Variants in GTPBP10 observed in about 807,000 individuals in gnomAD.
GTPBP10 encodes GTP binding protein 10.
A neutral mutation model predicts 44.8 loss-of-function variants in GTPBP10; 38 were observed. The ratio of observed to expected loss-of-function variants is 0.85; its 90% confidence interval spans 0.65 to 1.11. GTPBP10 has a LOEUF of 1.11. GTPBP10 is among the 50% of genes most tolerant of loss of function. GTPBP10 has a pLI of 0.00. For synonymous variants in GTPBP10, 152 were observed against 150.6 expected, an observed-to-expected ratio of 1.01 and a Z score of -0.07; for missense variants, 462 against 453.7, an observed-to-expected ratio of 1.02 and a Z score of -0.17.
intron 4 of GTPBP10, among the ~76,000 whole-genome samples, chr7:90,355,761 G>T (rs1025823962): frequency 6.6e-6 from 1 of 152,126 alleles, no homozygotes; most frequent in Non-Finnish European, 1.5e-5. Flanking sequence ...TCTTGCCTCT[G>T]CTTAGGATCT....
At chr7:90,365,656 G>A (rs1002387829) in intron 4 of GTPBP10, among the ~76,000 whole-genome samples, 5 of 152,252 alleles carry the variant, frequency 3.3e-5, no homozygotes, top group South Asian at 2.1e-4. Flanking sequence ...GATTACAGGC[G>A]TGAGCCACCG....
At chr7:90,377,987 TTC>T (rs1401953587) in intron 7 of GTPBP10, 145 bp from the exon 8 acceptor site, 34 of 1,106,612 alleles carry the variant, frequency 3.1e-5, no homozygotes, top group Non-Finnish European at 3.7e-5. Flanking sequence ...ACACCTCGAT[TTC>T]TGTTACTTAT....
At position 90,386,112 on chromosome 7, in the gene GTPBP10, A is replaced by G. The variant is rs1396484018; in HGVS notation, c.*958A>G. On this transcript the variant is annotated 3_prime_UTR_variant, in exon 10 of 10. Coordinates refer to ENST00000222511, the MANE Select transcript of GTPBP10 (RefSeq NM_033107.4). ...CATTTTACAAGTTTATGGCCAGCCCACCTGTAATAACATTCTCTGATATTC... is the reference window on the plus strand; with the variant it reads ...CATTTTACAAGTTTATGGCCAGCCCGCCTGTAATAACATTCTCTGATATTC... 6.6e-6 allele frequency: 1 copy of G among 151,960 alleles called. No homozygotes were observed. Among genetic ancestry groups the G allele is most frequent in the Non-Finnish European group, 1.5e-5 (1 of 67,956 alleles). The allele number at this position is 151,960 out of a possible 1,614,324, so 9.4% of individuals were successfully genotyped here. A position where few individuals can be genotyped will look rare whatever the true frequency, so the allele number is the denominator to read the frequency against.
chr7:90,384,601 C>A (rs573781798), intron 9 of GTPBP10, among the ~76,000 whole-genome samples: 45 of 151,864 alleles, frequency 3.0e-4, no homozygotes, highest in South Asian at 1.7e-3. Context: ...TTAACCCCCC[C>A]CACACACACA....
intron 8 of GTPBP10, among the ~76,000 whole-genome samples, chr7:90,381,820 T>G (rs1046212807): frequency 3.3e-5 from 5 of 152,150 alleles, no homozygotes; most frequent in African/African-American, 1.2e-4. Flanking sequence ...GAAAGGACAG[T>G]TTTCTTCGTC....
chr7:90,362,989 A>G (rs1796057625), intron 4 of GTPBP10, among the ~76,000 whole-genome samples: 1 of 152,130 alleles, frequency 6.6e-6, no homozygotes, highest in Non-Finnish European at 1.5e-5. Context: ...TTTGCTTGAT[A>G]AATCTTCCTC....
intron 2 of GTPBP10, among the ~76,000 whole-genome samples, chr7:90,353,517 A>G (rs1364359523): frequency 1.3e-5 from 2 of 152,198 alleles, no homozygotes; most frequent in Non-Finnish European, 2.9e-5. Context: ...TCACATGTCA[A>G]AATTATTCAG....
intron 8 of GTPBP10, among the ~76,000 whole-genome samples, chr7:90,381,383 C>G (rs1796433287): frequency 6.6e-6 from 1 of 152,076 alleles, no homozygotes; most frequent in Admixed American, 6.6e-5. Flanking sequence ...CCCTAATGAT[C>G]AGTGATGTTG....
chr7:90,387,949 A>C lies in GTPBP10; in HGVS notation c.*2795A>C, dbSNP rs1180981659. ...ATGTAAGGACAGTTTCATCAGGTGAATATCAGAAGTACTGACACCATAATC... is the reference window on the plus strand; with the variant it reads ...ATGTAAGGACAGTTTCATCAGGTGACTATCAGAAGTACTGACACCATAATC... On this transcript the variant is annotated 3_prime_UTR_variant, in exon 10 of 10. Coordinates refer to ENST00000222511, the MANE Select transcript of GTPBP10 (RefSeq NM_033107.4). 1 of 152,208 alleles carries C rather than the reference A, an allele frequency of 6.6e-6. No individual in the cohort carries two copies. Among genetic ancestry groups the C allele is most frequent in the Non-Finnish European group, 1.5e-5 (1 of 68,032 alleles). The allele number at this position is 152,208 out of a possible 1,614,324, so 9.4% of individuals were successfully genotyped here. A position where few individuals can be genotyped will look rare whatever the true frequency, so the allele number is the denominator to read the frequency against.
rs79847565 is a variant in GTPBP10 at position 90,359,162 on chromosome 7, T to C, written c.464+3932T>C. Among the ~76,000 whole-genome samples, 996 of 152,254 alleles carry C rather than the reference T, an allele frequency of 6.5e-3. 7 individuals are homozygous for C. The highest frequency in any genetic ancestry group is 0.017 in the Middle Eastern group (5 of 294). Reference sequence around the variant, plus strand: ...TTCTTTAACTTAAAAAAATTTTTTTTATTATGCTTTAAGTTCTAGGGTATG... The same window carrying C: ...TTCTTTAACTTAAAAAAATTTTTTTCATTATGCTTTAAGTTCTAGGGTATG... On this transcript the variant is annotated intron_variant, in intron 4 of 9. Transcript: ENST00000222511.
At chr7:90,384,809 C>T (rs1796493791) in intron 9 of GTPBP10, 83 bp from the exon 10 acceptor site, 6 of 1,380,102 alleles carry the variant, frequency 4.3e-6, no homozygotes, top group African/African-American at 1.5e-5. Context: ...TGGTTCCCTG[C>T]TTCACAAATC....
rs1348028108 is a variant in GTPBP10, at chr7:90,385,346, C to CT, written c.*193dup. On this transcript the variant is annotated 3_prime_UTR_variant, in exon 10 of 10. Coordinates refer to ENST00000222511, the MANE Select transcript of GTPBP10 (RefSeq NM_033107.4). Reference sequence around the variant, plus strand: ...AGAATAGAATGGTGGTTATCAAGGGCTGGTGGGGCAGTGGAGGATTGAGGA... The same window carrying CT: ...AGAATAGAATGGTGGTTATCAAGGGCTTGGTGGGGCAGTGGAGGATTGAGGA... 4 of 459,276 alleles carry CT rather than the reference C, an allele frequency of 8.7e-6. No homozygotes were observed. Among genetic ancestry groups the CT allele is most frequent in the African/African-American group, 6.0e-5 (3 of 49,758 alleles). 28.5% of individuals were successfully genotyped at this position (459,276 alleles called of 1,614,324 possible).
intron 8 of GTPBP10, among the ~76,000 whole-genome samples, chr7:90,382,646 A>G (rs1409390176): frequency 2.6e-5 from 4 of 152,240 alleles, no homozygotes; most frequent in Non-Finnish European, 5.9e-5. Context: ...TTCCAAGAAT[A>G]CTACAGGTAT....
chr7:90,379,332 T>C (rs1796396773), intron 8 of GTPBP10, among the ~76,000 whole-genome samples: 1 of 152,196 alleles, frequency 6.6e-6, no homozygotes, highest in Non-Finnish European at 1.5e-5. Context: ...ATTTTTTATA[T>C]GGCAGCTAGA....
intron 4 of GTPBP10, chr7:90,371,305 T>C (rs868762634): frequency 2.1e-5 from 5 of 242,712 alleles, no homozygotes; most frequent in Non-Finnish European, 2.6e-5. Context: ...ATTAGTTAAG[T>C]AAATTACACT....
chr7:90,354,385 A>G (rs1316442878), intron 2 of GTPBP10, 73 bp from the exon 3 acceptor site: 4 of 629,334 alleles, frequency 6.4e-6, no homozygotes, highest in Non-Finnish European at 1.0e-5. Flanking sequence ...TTTGTAAACC[A>G]TTTTGTGTGT....
chr7:90,374,551 T>C (rs941343734), intron 6 of GTPBP10, among the ~76,000 whole-genome samples, 197 bp downstream of exon 6: 15 of 152,222 alleles, frequency 9.9e-5, no homozygotes, highest in African/African-American at 3.6e-4. Flanking sequence ...CTTCCAAAGA[T>C]TAGGTCCAGT....
intron 5 of GTPBP10, among the ~76,000 whole-genome samples, chr7:90,373,872 GC>G (rs1331222949): frequency 3.9e-5 from 6 of 152,132 alleles, no homozygotes; most frequent in African/African-American, 1.4e-4. Context: ...ACAGGGTCTA[GC>G]TATGTCACCC....
chr7:90,352,522 T>A (rs1181025117), intron 1 of GTPBP10, among the ~76,000 whole-genome samples: 1 of 152,128 alleles, frequency 6.6e-6, no homozygotes, highest in East Asian at 1.9e-4. Flanking sequence ...CAAGCAGAAA[T>A]TACCCAGGGG....
Sources: gnomAD v4.1 joint callset for allele counts (sites outside exome capture counted in the v4.1 genomes callset) on GRCh38, gnomAD v4.1.1 for gene constraint, MANE v1.5 for transcripts, NCBI Gene and HGNC (gene_info 2026-07-23, HGNC 2026-07-21) for gene names.